The following MED23 variants were observed in gnomAD, a reference collection of about 807,000 sequenced individuals.
The protein encoded by MED23 is mediator complex subunit 23.
In MED23, 105 loss-of-function variants were observed where a neutral mutation model predicts 163.9. The ratio of observed to expected loss-of-function variants is 0.64; its 90% CI spans 0.55 to 0.75. The LOEUF is 0.75. Among genes scored for constraint, MED23 ranks in the 30% least tolerant of loss-of-function variants. The pLI is 0.00. For missense variants in MED23, 1,054 were observed against 1,649.0 expected (o/e 0.64, Z 6.25); for synonymous variants, 561 against 565.6 (o/e 0.99, Z 0.12).
At chr6:131,624,529 A>C (rs1777342218) in intron 4 of MED23, among the ~76,000 whole-genome samples, 1 of 152,226 alleles carries the variant, frequency 6.6e-6, no homozygotes, top group Non-Finnish European at 1.5e-5. Flanking sequence ...AAGCCGAGTC[A>C]ACCACTAAAA....
Position 131,628,110 on chromosome 6 carries a change from T to C in MED23, c.-61A>G. 9 of 1,587,032 alleles carry C rather than the reference T, an allele frequency of 5.7e-6. No individual in the cohort carries two copies. The highest frequency in any genetic ancestry group is 5.2e-6 in the Non-Finnish European group (6 of 1,156,810). The stretch of plus-strand genomic sequence containing the variant: ...CAAGGCCCGGATCAGACTCGAGCTC[T>C]GGGAATATAGGGGCAGAGGGGCGGA... On this transcript the variant is annotated 5_prime_UTR_variant, in exon 1 of 29. Coordinates refer to ENST00000368068, the MANE Select transcript of MED23 (RefSeq NM_004830.4).
intron 22 of MED23, among the ~76,000 whole-genome samples, chr6:131,595,730 C>T (rs1774998101): frequency 6.6e-6 from 1 of 152,204 alleles, no homozygotes; most frequent in Admixed American, 6.5e-5. Flanking sequence ...GTTTAGTTTA[C>T]AGTAACATCA....
chr6:131,601,328 T>C (rs185100842), intron 17 of MED23, among the ~76,000 whole-genome samples: 16 of 152,330 alleles, frequency 1.1e-4, no homozygotes, highest in South Asian at 2.1e-4. Context: ...TGATACTGTA[T>C]AAACAAAATG....
At chr6:131,574,401 C>G (rs1773514875) in intron 30 of MED23, 1 of 1,288,388 alleles carries the variant, frequency 7.8e-7, no homozygotes, top group Non-Finnish European at 1.1e-6. Flanking sequence ...AAGTCTCTCC[C>G]AAACACAGGG....
At chr6:131,622,113 T>A in intron 5 of MED23, 134 bp from the exon 6 acceptor site, 1 of 624,512 alleles carries the variant, frequency 1.6e-6, no homozygotes, top group East Asian at 2.8e-5. Flanking sequence ...ACAATCTAAG[T>A]CCCTAACATT....
intron 30 of MED23, among the ~76,000 whole-genome samples, chr6:131,580,832 T>C (rs1035234143): frequency 6.6e-6 from 1 of 152,208 alleles, no homozygotes; most frequent in African/African-American, 2.4e-5. Context: ...CCAAGAGAGA[T>C]GAGTGTACAG....
Position 131,589,470 on chromosome 6 carries a change from C to G in MED23, c.3934G>C (p.Glu1312Gln), listed in dbSNP as rs1356694201. The part of the protein sequence containing the change: ...KYMFTGDSVK[E>Q]QVEKIICNLK... The stretch of plus-strand genomic sequence containing the variant: ...ATTAAACAAATTCAACTTACTTGCT[C>G]TTTCACGCTGTCACCAGTAAACATA... The change falls in exon 28 of 29, where the codon GAG (glutamate) becomes CAG (glutamine). Residue 1312 changes from glutamate to glutamine, a missense_variant. Physicochemically the swap from Glu to Gln is conservative, Grantham distance 29 (BLOSUM62 2). Around this residue, in one of 11 missense-constraint regions of MED23, gnomAD observed 362 missense variants for 471.6 expected, o/e 0.77. Coordinates refer to ENST00000368068, the MANE Select transcript of MED23 (RefSeq NM_004830.4). 6.2e-7 allele frequency: 1 copy of G among 1,613,224 alleles called. No homozygotes were observed. The highest frequency in any genetic ancestry group is 2.2e-5 in the East Asian group (1 of 44,814).
In MED23 at chr6:131,575,070, T is replaced by C. The variant is rs564014633; in HGVS notation, c.4096-775A>G. Among the ~76,000 whole-genome samples, 4 of 152,200 alleles carry C rather than the reference T, an allele frequency of 2.6e-5. No homozygotes were observed. In the South Asian group the frequency reaches 6.2e-4, roughly 24 times the overall value. ...CAAAGCAATTTCCAAAGTGGGCAGA[T>C]AGAGCAAGCAAGAGGAAAGCCCAAT... is the stretch of plus-strand genomic sequence containing the variant. On this transcript the variant is annotated intron_variant, in intron 30 of 30. Transcript: ENST00000354577.
At chr6:131,604,037 A>G (rs573175040) in intron 15 of MED23, 141 bp downstream of exon 15, 2 of 815,508 alleles carry the variant, frequency 2.5e-6, no homozygotes, top group East Asian at 2.6e-5. Flanking sequence ...CATATTGTAT[A>G]TTTCATTTAT....
rs565682341 is a variant in MED23 at position 131,587,181 on chromosome 6, C to CA, written c.*497dup. 83 of 1,141,506 alleles carry CA rather than the reference C, an allele frequency of 7.3e-5. 1 individual carries two copies. In the African/African-American group the frequency reaches 1.1e-3, roughly 16 times the overall value. 70.7% of individuals were successfully genotyped at this position (1,141,506 alleles called of 1,614,324 possible). A position where few individuals can be genotyped will look rare whatever the true frequency, so the allele number is the denominator to read the frequency against. On this transcript the variant is annotated 3_prime_UTR_variant, in exon 29 of 29. Transcript: ENST00000368068. Reference sequence around the variant, plus strand: ...GAATATGAAGCCTTGTTTGCTCCTACAATGCAACAAAATCTAGATTCCTTT... The same window carrying CA: ...GAATATGAAGCCTTGTTTGCTCCTACAAATGCAACAAAATCTAGATTCCTTT...
At chr6:131,620,030 G>A (rs993141337) in intron 7 of MED23, 134 bp from the exon 8 acceptor site, 2 of 671,662 alleles carry the variant, frequency 3.0e-6, no homozygotes, top group Non-Finnish European at 2.6e-6. Context: ...CTGTTTAAAG[G>A]TTAGCTCCCT....
chr6:131,606,967 A>G (rs767675759), intron 12 of MED23, among the ~76,000 whole-genome samples: 1 of 152,124 alleles, frequency 6.6e-6, no homozygotes, highest in Non-Finnish European at 1.5e-5. Flanking sequence ...AAATCTTACT[A>G]AAGTGACAAA....
intron 20 of MED23, 149 bp from the exon 21 acceptor site, chr6:131,596,837 T>C (rs1775085165): frequency 4.0e-6 from 3 of 748,058 alleles, no homozygotes; most frequent in Non-Finnish European, 6.6e-6. Flanking sequence ...CTGTTCAGTA[T>C]TCCCCAAACA....
chr6:131,586,896 A>G lies in MED23; in HGVS notation c.*783T>C, dbSNP rs1370759952. ...AAAATTTAAAAATTTTAAGATTATA[A>G]AAATTGAAGAATTACATCATCTGTC... On this transcript the variant is annotated 3_prime_UTR_variant, in exon 29 of 29. Transcript: ENST00000368068. 1 of 1,452,602 alleles carries G rather than the reference A, an allele frequency of 6.9e-7. No individual in the cohort carries two copies. Among genetic ancestry groups the G allele is most frequent in the Non-Finnish European group, 9.3e-7 (1 of 1,073,616 alleles). 90.0% of individuals were successfully genotyped at this position (1,452,602 alleles called of 1,614,324 possible).
chr6:131,595,648 T>C (rs1184339541), intron 22 of MED23, among the ~76,000 whole-genome samples: 1 of 152,194 alleles, frequency 6.6e-6, no homozygotes, highest in Non-Finnish European at 1.5e-5. Flanking sequence ...TGTGCTATAT[T>C]TTCCCTGCTG....
At chr6:131,621,739 A>G (rs762820101) in intron 6 of MED23, 142 bp downstream of exon 6, 18 of 514,832 alleles carry the variant, frequency 3.5e-5, no homozygotes, top group Non-Finnish European at 7.0e-6. Context: ...GGGAACTAGC[A>G]TCTTTTAAAA....
downstream of MED23, among the ~76,000 whole-genome samples, chr6:131,585,855 C>T (rs1774157560): frequency 6.6e-6 from 1 of 152,128 alleles, no homozygotes; most frequent in Non-Finnish European, 1.5e-5. Context: ...ATTATATTCC[C>T]ATGTTTTTAA....
At position 131,596,674 on chromosome 6, in the gene MED23, G is replaced by A. The variant is rs372819523; in HGVS notation, c.2622C>T (p.His874=). The change falls in exon 21 of 29, where the codon CAC becomes CAT. Residue 874 remains histidine, a synonymous_variant. Transcript: ENST00000368068. ...AACAAACCTGGGCTTCATTTCCTTCGTGACTACGCATGGCCTTTGAAAAAC... is the reference window on the plus strand; with the variant it reads ...AACAAACCTGGGCTTCATTTCCTTCATGACTACGCATGGCCTTTGAAAAAC... ...RLILCLAMRS[H]EGNEAQVCYF... 4.0e-5 allele frequency: 65 copies of A among 1,613,848 alleles called. No homozygotes were observed. The highest frequency in any genetic ancestry group is 6.7e-5 in the African/African-American group (5 of 74,886).
intron 10 of MED23, among the ~76,000 whole-genome samples, chr6:131,614,955 C>T (rs1776552612): frequency 6.6e-6 from 1 of 150,718 alleles, no homozygotes; most frequent in South Asian, 2.1e-4. Context: ...GAAAATTCCA[C>T]CAGGCTAGCT....
Sources: allele counts gnomAD v4.1 joint callset (sites outside exome capture counted in the v4.1 genomes callset), GRCh38; gene constraint gnomAD v4.1.1; regional missense constraint gnomAD v4.1.1; transcripts MANE v1.5; gene names NCBI Gene and HGNC (gene_info 2026-07-23, HGNC 2026-07-21).